Variants in PPP1R9A observed in about 807,000 individuals in gnomAD.
PPP1R9A encodes neurabin-1.
A neutral mutation model predicts 141.9 loss-of-function variants in PPP1R9A; 59 were observed. The ratio of observed to expected loss-of-function variants is 0.42; its 90% CI spans 0.34 to 0.52. The LOEUF (loss-of-function observed/expected upper bound fraction) is 0.52, where lower values mean the gene tolerates loss of function less well. Among genes scored for constraint, PPP1R9A ranks in the 20% least tolerant of loss-of-function variants. PPP1R9A has a pLI of 0.10. For missense variants in PPP1R9A, 1,444 were observed against 1,611.9 expected, an observed-to-expected ratio of 0.90 and a Z score of 1.78; for synonymous variants, 500 against 569.7, an observed-to-expected ratio of 0.88 and a Z score of 1.74.
chr7:95,057,603 A>G (rs1375969967), intron 2 of PPP1R9A, among the ~76,000 whole-genome samples: 1 of 152,152 alleles, frequency 6.6e-6, no homozygotes, highest in Non-Finnish European at 1.5e-5. Context: ...AGAAATGATT[A>G]TAGACAGCTT....
chr7:95,184,726 T>C (rs540206224), intron 5 of PPP1R9A, among the ~76,000 whole-genome samples: 3 of 152,320 alleles, frequency 2.0e-5, no homozygotes, highest in South Asian at 4.1e-4. Context: ...TGTTTGGTTT[T>C]TCATTACTGA....
At chr7:95,210,072 A>C (rs1329578233) in intron 7 of PPP1R9A, among the ~76,000 whole-genome samples, 1 of 152,190 alleles carries the variant, frequency 6.6e-6, no homozygotes, top group East Asian at 1.9e-4. Context: ...TCAGGATCTC[A>C]GTGGGAAAAA....
At chr7:94,960,033 C>T (rs1236977688) in intron 2 of PPP1R9A, among the ~76,000 whole-genome samples, 2 of 151,622 alleles carry the variant, frequency 1.3e-5, no homozygotes, top group South Asian at 2.1e-4. Context: ...GTCTATACCC[C>T]TATTCTATTC....
intron 5 of PPP1R9A, among the ~76,000 whole-genome samples, chr7:95,191,022 T>A (rs1794513721): frequency 6.6e-6 from 1 of 152,254 alleles, no homozygotes; most frequent in South Asian, 2.1e-4. Context: ...AAGGAATTCA[T>A]AAATTATCAT....
At chr7:95,150,504 C>T (rs960850515) in intron 4 of PPP1R9A, among the ~76,000 whole-genome samples, 4 of 152,032 alleles carry the variant, frequency 2.6e-5, no homozygotes, top group African/African-American at 7.2e-5. Flanking sequence ...GGAGTTTCAC[C>T]GTATTGGCCA....
chr7:95,043,011 A>T (rs1311219075), intron 2 of PPP1R9A, among the ~76,000 whole-genome samples: 1 of 152,166 alleles, frequency 6.6e-6, no homozygotes, highest in Non-Finnish European at 1.5e-5. Flanking sequence ...TGTTTTCTCC[A>T]CACAAGTAAG....
At chr7:94,937,926 G>A (rs1794937320) in intron 2 of PPP1R9A, among the ~76,000 whole-genome samples, 1 of 152,180 alleles carries the variant, frequency 6.6e-6, no homozygotes, top group Non-Finnish European at 1.5e-5. Flanking sequence ...CTTGGTACAG[G>A]TACGTACTTG....
At chr7:94,951,660 T>A (rs1373518167) in intron 2 of PPP1R9A, among the ~76,000 whole-genome samples, 1 of 152,074 alleles carries the variant, frequency 6.6e-6, no homozygotes, top group Non-Finnish European at 1.5e-5. Flanking sequence ...GTGAGTGAGA[T>A]AGACCCATAA....
In PPP1R9A at chr7:95,289,955, A is replaced by G. The variant is rs1343620195; in HGVS notation, c.3913-136A>G. On this transcript the variant is annotated intron_variant, in intron 19 of 19. Coordinates refer to ENST00000433360, the MANE Select transcript of PPP1R9A (RefSeq NM_001166160.2). ...GCCCCCAGTGTGTTGGTTTTTAGCA[A>G]ATGTAACTAGTTCTTCCTCTGTTCT... 4.2e-6 allele frequency: 6 copies of G among 1,414,110 alleles called. No individual in the cohort carries two copies. The African/African-American group carries it at 5.8e-5, about 14-fold the overall frequency. The allele number at this position is 1,414,110 out of a possible 1,614,324, so 87.6% of individuals were successfully genotyped here. A position where few individuals can be genotyped will look rare whatever the true frequency, so the allele number is the denominator to read the frequency against.
chr7:94,954,031 T>C (rs1468115296), intron 2 of PPP1R9A, among the ~76,000 whole-genome samples: 1 of 152,154 alleles, frequency 6.6e-6, no homozygotes, highest in Non-Finnish European at 1.5e-5. Context: ...CATCCTTGTC[T>C]TGTGCTGGTT....
chr7:94,928,069 C>T (rs186001418), intron 2 of PPP1R9A, among the ~76,000 whole-genome samples: 59 of 152,238 alleles, frequency 3.9e-4, no homozygotes, highest in African/African-American at 5.8e-4. Context: ...GGGAGTCTAC[C>T]TTTATCAGGA....
At chr7:95,014,155 A>G (rs1387009764) in intron 2 of PPP1R9A, among the ~76,000 whole-genome samples, 1 of 152,056 alleles carries the variant, frequency 6.6e-6, no homozygotes, top group African/African-American at 2.4e-5. Flanking sequence ...TATTTATTTA[A>G]TCTGTATCCT....
At chr7:95,194,230 A>G (rs1487786487) in intron 5 of PPP1R9A, among the ~76,000 whole-genome samples, 2 of 152,086 alleles carry the variant, frequency 1.3e-5, no homozygotes, top group African/African-American at 2.4e-5. Context: ...TTAAAAATTT[A>G]CCAAAAATGT....
At chr7:95,271,340 T>C (rs1802135044) in intron 14 of PPP1R9A, among the ~76,000 whole-genome samples, 1 of 152,282 alleles carries the variant, frequency 6.6e-6, no homozygotes, top group East Asian at 1.9e-4. Context: ...TATGAGGTGG[T>C]GCCCTCTAAA....
intron 2 of PPP1R9A, among the ~76,000 whole-genome samples, chr7:94,932,763 ATTT>A (rs34284096): frequency 0.52 from 62,215 of 118,872 alleles, 14,955 homozygotes; most frequent in South Asian, 0.67. Context: ...TACCTGAAGC[ATTT>A]TTTTTTTTTT....
chr7:95,166,705 A>C (rs559622629), intron 5 of PPP1R9A, among the ~76,000 whole-genome samples: 1 of 152,332 alleles, frequency 6.6e-6, no homozygotes, highest in African/African-American at 2.4e-5. Flanking sequence ...ATAAGGACAG[A>C]ACCAAAAGGA....
intron 16 of PPP1R9A, among the ~76,000 whole-genome samples, chr7:95,281,781 T>G (rs548412239): frequency 6.6e-6 from 1 of 152,372 alleles, no homozygotes; most frequent in East Asian, 1.9e-4. Context: ...AAGATTGTCA[T>G]GCTGTCATTA....
At chr7:95,183,889 A>G (rs1834247805) in intron 5 of PPP1R9A, among the ~76,000 whole-genome samples, 1 of 150,352 alleles carries the variant, frequency 6.7e-6, no homozygotes, top group Non-Finnish European at 1.5e-5. Context: ...TTTATTTTTA[A>G]ATGGAGTCTC....
At chr7:95,025,259 G>A (rs897537652) in intron 2 of PPP1R9A, among the ~76,000 whole-genome samples, 2 of 152,060 alleles carry the variant, frequency 1.3e-5, no homozygotes, top group African/African-American at 4.8e-5. Context: ...TAGAGACGGG[G>A]TTTCACCATG....
Sources: gnomAD v4.1 joint callset for allele counts (sites outside exome capture counted in the v4.1 genomes callset) on GRCh38, gnomAD v4.1.1 for gene constraint, MANE v1.5 for transcripts, NCBI Gene and HGNC (gene_info 2026-07-23, HGNC 2026-07-21) for gene names.